The following ZFYVE28 variants were observed in gnomAD, a reference collection of about 807,000 sequenced individuals.
ZFYVE28 encodes zinc finger FYVE-type containing 28.
In ZFYVE28, 40 loss-of-function variants were observed where a neutral mutation model predicts 82.1. The observed-to-expected ratio is 0.49, with a 90% CI of 0.38 to 0.63. The LOEUF (loss-of-function observed/expected upper bound fraction) is 0.63. Among genes scored for constraint, ZFYVE28 ranks in the 30% least tolerant of loss-of-function variants. The pLI is 0.00. For missense variants in ZFYVE28, 1,321 were observed against 1,242.1 expected (o/e 1.06, Z -0.96); for synonymous variants, 612 against 546.1 (o/e 1.12, Z -1.68).
At chr4:2,378,738 C>T (rs1450164178) in intron 1 of ZFYVE28, among the ~76,000 whole-genome samples, 1 of 152,354 alleles carries the variant, frequency 6.6e-6, no homozygotes, top group South Asian at 2.1e-4. Context: ...GCTCCATCCA[C>T]CCACCCAACC....
intron 1 of ZFYVE28, among the ~76,000 whole-genome samples, chr4:2,397,319 A>C (rs1250651984): frequency 2.0e-5 from 3 of 151,980 alleles, no homozygotes; most frequent in Non-Finnish European, 2.9e-5. Context: ...TCTACTAAAA[A>C]TACAAAAAAT....
chr4:2,305,625 G>A (rs1716451268), intron 7 of ZFYVE28, 89 bp from the exon 8 acceptor site: 3 of 1,488,856 alleles, frequency 2.0e-6, no homozygotes, highest in African/African-American at 1.4e-5. Flanking sequence ...CCTGGAGTCT[G>A]CACCAGCAGA....
chr4:2,283,576 A>C (rs537107199), intron 8 of ZFYVE28, among the ~76,000 whole-genome samples: 5 of 151,594 alleles, frequency 3.3e-5, no homozygotes, highest in African/African-American at 1.2e-4. Context: ...CCGTCCATCC[A>C]CCCATCCATC....
intron 1 of ZFYVE28, among the ~76,000 whole-genome samples, chr4:2,379,605 G>A (rs1331194757): frequency 6.6e-6 from 1 of 152,080 alleles, no homozygotes; most frequent in Non-Finnish European, 1.5e-5. Flanking sequence ...GTGCAGAGAT[G>A]GCACGCGCAC....
chr4:2,316,591 T>C (rs1422505732), intron 7 of ZFYVE28: 1 of 152,278 alleles, frequency 6.6e-6, no homozygotes, highest in East Asian at 1.9e-4. Flanking sequence ...CTTTAACATG[T>C]TAATCAGCAC....
chr4:2,379,974 G>T (rs895977457), intron 1 of ZFYVE28, among the ~76,000 whole-genome samples: 1 of 152,072 alleles, frequency 6.6e-6, no homozygotes, highest in Admixed American at 6.6e-5. Flanking sequence ...TTTTAGTAGA[G>T]ATGGGGTTTT....
Position 2,367,951 on chromosome 4 carries a change from G to A in ZFYVE28, c.40-13878C>T, listed in dbSNP as rs188472502. 7.9e-4 allele frequency among the ~76,000 whole-genome samples: 121 copies of A among 152,266 alleles called. 1 individual carries two copies. The highest frequency in any genetic ancestry group is 2.5e-3 in the East Asian group (13 of 5,162). ...CCCCTTACCCAGGGCGACTTGGTGC[G>A]TGCCAGTCGCGGCAGGTCTGTGTCC... On this transcript the variant is annotated intron_variant, in intron 1 of 12. Coordinates refer to ENST00000290974, the MANE Select transcript of ZFYVE28 (RefSeq NM_020972.3).
intron 1 of ZFYVE28, among the ~76,000 whole-genome samples, chr4:2,380,688 T>A (rs1051166315): frequency 6.6e-6 from 1 of 152,190 alleles, no homozygotes; most frequent in Admixed American, 6.5e-5. Flanking sequence ...TGGGGGTGAT[T>A]TCCCCCATAC....
Position 2,364,105 on chromosome 4 carries a change from C to T in ZFYVE28, c.40-10032G>A, listed in dbSNP as rs113339981. Among the ~76,000 whole-genome samples the T allele has an allele frequency of 6.7e-3, 1,023 of 152,334 alleles. 8 individuals are homozygous for T. Among genetic ancestry groups the T allele is most frequent in the Middle Eastern group, 0.014 (4 of 294 alleles). The stretch of plus-strand genomic sequence containing the variant: ...CTGTGAAGGGAAGGCCTCCCCAGGC[C>T]TCAGGTCACAGCTCCAGGCTCACTG... On this transcript the variant is annotated intron_variant, in intron 1 of 12. Transcript: ENST00000290974.
Position 2,416,005 on chromosome 4 carries a change from G to A in ZFYVE28, c.39+2280C>T, listed in dbSNP as rs1732998415. 6.6e-6 allele frequency among the ~76,000 whole-genome samples: 1 copy of A among 152,112 alleles called. No homozygotes were observed. ...ACTACCAGACAGCATGCCAGGAGAAGACAACGAGAAAAAGGAGAGATCCAC... is the reference window on the plus strand; with the variant it reads ...ACTACCAGACAGCATGCCAGGAGAAAACAACGAGAAAAAGGAGAGATCCAC... On this transcript the variant is annotated intron_variant, in intron 1 of 12. Transcript: ENST00000290974. The surrounding 1 kb of genome is among the most constrained non-coding windows in gnomAD (Gnocchi z 4.6).
chr4:2,291,996 C>T (rs1445216741), intron 8 of ZFYVE28, among the ~76,000 whole-genome samples: 2 of 152,166 alleles, frequency 1.3e-5, no homozygotes, highest in African/African-American at 2.4e-5. Flanking sequence ...CCAGGCCTTG[C>T]TGCCTTCCAG....
At chr4:2,285,167 G>A (rs1473465899) in intron 8 of ZFYVE28, among the ~76,000 whole-genome samples, 1 of 89,644 alleles carries the variant, frequency 1.1e-5, no homozygotes, top group East Asian at 2.1e-4. Context: ...CTGGAGTGAT[G>A]CTTCTGTAAG....
Position 2,339,537 on chromosome 4 carries a change from G to T in ZFYVE28, c.437C>A (p.Ala146Glu). The change falls in exon 4 of 13, where the codon GCG becomes GAG. Residue 146 changes from alanine to glutamate, a missense_variant. This residue lies in a region of ZFYVE28 where 343 missense variants were observed against 408.4 expected (regional missense o/e 0.84). Transcript: ENST00000290974. This position sits in a 1 kb window ranked among gnomAD's most constrained non-coding sequence, Gnocchi z 5.0. ...EDVRGALRDQ[A>E]LRDLNTYTEK... ...TGTGTAGGTGTTCAGGTCCCGCAGC[G>T]CCTGGTCACGGAGGGCGCCCCGCAC... 6.2e-7 allele frequency: 1 copy of T among 1,613,700 alleles called. No homozygotes were observed. The highest frequency in any genetic ancestry group is 8.5e-7 in the Non-Finnish European group (1 of 1,179,908).
At chr4:2,297,364 G>A (rs1026464176) in intron 8 of ZFYVE28, among the ~76,000 whole-genome samples, 2 of 152,212 alleles carry the variant, frequency 1.3e-5, no homozygotes, top group Admixed American at 1.3e-4. Context: ...TGACACCTCT[G>A]AGCCCTGTCC....
chr4:2,275,524 AT>A (rs1560126527), intron 8 of ZFYVE28, among the ~76,000 whole-genome samples: 1 of 152,010 alleles, frequency 6.6e-6, no homozygotes, highest in African/African-American at 2.4e-5. Context: ...ATTCGTGATA[AT>A]TTTTTTCAGT....
intron 1 of ZFYVE28, among the ~76,000 whole-genome samples, chr4:2,356,677 G>A (rs900480707): frequency 1.3e-5 from 2 of 152,222 alleles, no homozygotes; most frequent in Admixed American, 6.5e-5. Flanking sequence ...AAGAAGAGTG[G>A]GGTTGGGAGG....
chr4:2,345,019 G>A (rs1350979342), intron 2 of ZFYVE28, among the ~76,000 whole-genome samples: 4 of 152,020 alleles, frequency 2.6e-5, no homozygotes, highest in African/African-American at 9.7e-5. Flanking sequence ...AGACCATCCT[G>A]GCTAACACAG....
Position 2,335,676 on chromosome 4 carries a change from C to G in ZFYVE28, c.701+29G>C, listed in dbSNP as rs752344649. 13 of 1,556,700 alleles carry G rather than the reference C, an allele frequency of 8.4e-6. No homozygotes were observed. In the African/African-American group the frequency reaches 1.6e-4, roughly 20 times the overall value. On this transcript the variant is annotated intron_variant, in intron 6 of 12. Transcript: ENST00000290974. This position sits in a 1 kb window ranked among gnomAD's most constrained non-coding sequence, Gnocchi z 5.8. ...GCCCTGCCCGTCCCGCAGGTTTCTG[C>G]AGAGGTCCTGGGCACAGGAGGCACT...
intron 2 of ZFYVE28, among the ~76,000 whole-genome samples, chr4:2,350,573 T>C (rs1315826665): frequency 6.6e-6 from 1 of 152,156 alleles, no homozygotes; most frequent in African/African-American, 2.4e-5. Flanking sequence ...TCCAGAGTGA[T>C]AGGAGTTCAC....
Sources: allele counts gnomAD v4.1 joint callset (sites outside exome capture counted in the v4.1 genomes callset), GRCh38; gene constraint gnomAD v4.1.1; regional missense constraint gnomAD v4.1.1; non-coding constraint Gnocchi (gnomAD v3.1); transcripts MANE v1.5; gene names NCBI Gene and HGNC (gene_info 2026-07-23, HGNC 2026-07-21).